TM9SF3: variants seen among roughly 807,000 people sequenced by gnomAD.
TM9SF3 encodes the protein SM-11044-binding protein.
Under a neutral mutation model 78.6 loss-of-function variants are expected in TM9SF3, and 14 were observed. The observed-to-expected ratio is 0.18, with a 90% CI of 0.12 to 0.28. The LOEUF is 0.28. Among genes scored for constraint, TM9SF3 ranks in the 10% least tolerant of loss-of-function variants. The probability of loss-of-function intolerance (pLI) is 1.00; values close to 1 mark genes in which losing one functional copy is unlikely to be tolerated. For missense variants in TM9SF3, 496 were observed against 721.9 expected, an observed-to-expected ratio of 0.69 and a Z score of 3.59; for synonymous variants, 231 against 241.7, an observed-to-expected ratio of 0.96 and a Z score of 0.41.
chr10:96,526,516 T>C (rs1192370632), intron 14 of TM9SF3, among the ~76,000 whole-genome samples: 1 of 152,156 alleles, frequency 6.6e-6, no homozygotes. Flanking sequence ...TTCTAGCTAT[T>C]TCACACATTC....
intron 3 of TM9SF3, among the ~76,000 whole-genome samples, chr10:96,563,565 A>T (rs929030708): frequency 1.3e-5 from 2 of 151,906 alleles, no homozygotes; most frequent in African/African-American, 4.8e-5. Flanking sequence ...TTTAGTAGAG[A>T]CAGGGTTTCG....
intron 2 of TM9SF3, among the ~76,000 whole-genome samples, chr10:96,567,801 G>C (rs532896806): frequency 6.6e-6 from 1 of 152,106 alleles, no homozygotes; most frequent in African/African-American, 2.4e-5. Flanking sequence ...GCACAGACTA[G>C]GCACTAAACA....
chr10:96,586,859 G>GCCGGCTCACCGACTCCTCCTC lies in TM9SF3; in HGVS notation c.-45_-25dup. On this transcript the variant is annotated 5_prime_UTR_variant, in exon 1 of 15. Transcript: ENST00000371142. ...ATCCTCCGCGCCCCTCCGGCCCGGA[G>GCCGGCTCACCGACTCCTCCTC]CCGGCTCACCGACTCCTCCTCCCGC... 8.3e-6 allele frequency: 10 copies of GCCGGCTCACCGACTCCTCCTC among 1,198,408 alleles called. No homozygotes were observed. The highest frequency in any genetic ancestry group is 1.0e-5 in the Non-Finnish European group (10 of 969,222). 74.2% of individuals were successfully genotyped at this position (1,198,408 alleles called of 1,614,324 possible).
rs529272968 is a variant in TM9SF3 at position 96,521,347 on chromosome 10, C to G, written c.*916G>C. On this transcript the variant is annotated 3_prime_UTR_variant, in exon 15 of 15. Transcript: ENST00000371142. ...TAATGTTATATACATTTATTACCCA[C>G]CCCCCTTGTTTTTAATAATTTCTTA... 6.5e-6 allele frequency: 1 copy of G among 153,820 alleles called. No homozygotes were observed. Among genetic ancestry groups the G allele is most frequent in the East Asian group, 1.9e-4 (1 of 5,256 alleles). The allele number at this position is 153,820 out of a possible 1,614,324, so 9.5% of individuals were successfully genotyped here. A position where few individuals can be genotyped will look rare whatever the true frequency, so the allele number is the denominator to read the frequency against.
chr10:96,546,625 A>C (rs1323471503), intron 8 of TM9SF3, among the ~76,000 whole-genome samples: 2 of 152,176 alleles, frequency 1.3e-5, no homozygotes, highest in African/African-American at 4.8e-5. Context: ...TCGAATTTAG[A>C]GACTGAACAT....
intron 8 of TM9SF3, 145 bp downstream of exon 8, chr10:96,547,750 G>T (rs935543406): frequency 6.6e-6 from 4 of 607,516 alleles, no homozygotes; most frequent in African/African-American, 3.8e-5. Flanking sequence ...AACCCAGGAG[G>T]TGGAGACTGC....
intron 9 of TM9SF3, among the ~76,000 whole-genome samples, chr10:96,542,553 T>C (rs908690367): frequency 6.6e-6 from 1 of 152,188 alleles, no homozygotes; most frequent in African/African-American, 2.4e-5. Context: ...TGAAATACCA[T>C]TTTTACCAAT....
intron 1 of TM9SF3, 130 bp from the exon 2 acceptor site, chr10:96,576,959 A>G: frequency 3.2e-6 from 2 of 631,890 alleles, no homozygotes; most frequent in East Asian, 6.7e-5. Context: ...AAATACTGGA[A>G]GCTTAATCTG....
chr10:96,522,232 T>C lies in TM9SF3; in HGVS notation c.*31A>G, dbSNP rs557314363. 75 of 1,586,344 alleles carry C rather than the reference T, an allele frequency of 4.7e-5. No individual in the cohort carries two copies. The South Asian group carries it at 7.1e-4, about 15-fold the overall frequency. On this transcript the variant is annotated 3_prime_UTR_variant, in exon 15 of 15. Coordinates refer to ENST00000371142, the MANE Select transcript of TM9SF3 (RefSeq NM_020123.4). ...AAGTTCCACCCCTATGAAAAAGAAA[T>C]TGATCCAAAGTTCCAGGTTTTCTTG...
intron 9 of TM9SF3, among the ~76,000 whole-genome samples, chr10:96,541,436 C>T (rs527833558): frequency 2.0e-5 from 3 of 151,994 alleles, no homozygotes; most frequent in East Asian, 1.9e-4. Context: ...AGTGCAATGG[C>T]GTGATCTCAG....
chr10:96,558,732 C>T (rs865943211), intron 5 of TM9SF3, among the ~76,000 whole-genome samples: 3 of 151,758 alleles, frequency 2.0e-5, no homozygotes, highest in African/African-American at 4.8e-5. Context: ...TGATAGGTTC[C>T]GGTAGAGTCT....
chr10:96,563,134 G>A (rs1002252494), intron 3 of TM9SF3, among the ~76,000 whole-genome samples: 1 of 152,124 alleles, frequency 6.6e-6, no homozygotes, highest in African/African-American at 2.4e-5. Flanking sequence ...GGAGTGTAGT[G>A]ACACAATCAT....
intron 4 of TM9SF3, chr10:96,560,312 C>T (rs1311357431): frequency 1.3e-6 from 1 of 748,574 alleles, no homozygotes; most frequent in Non-Finnish European, 2.4e-6. Flanking sequence ...CACCAATTAT[C>T]TTTAAGAACG....
intron 7 of TM9SF3, among the ~76,000 whole-genome samples, chr10:96,550,887 A>C (rs777746811): frequency 6.6e-6 from 1 of 152,204 alleles, no homozygotes; most frequent in Non-Finnish European, 1.5e-5. Context: ...TTAGTAACTG[A>C]AATTCTTGAA....
chr10:96,548,299 T>C lies in TM9SF3; in HGVS notation c.960-310A>G, dbSNP rs149050445. Among the ~76,000 whole-genome samples, 3 of 152,334 alleles carry C rather than the reference T, an allele frequency of 2.0e-5. No homozygotes were observed. The East Asian group carries it at 5.8e-4, about 29-fold the overall frequency. On this transcript the variant is annotated intron_variant, in intron 7 of 14. Coordinates refer to ENST00000371142, the MANE Select transcript of TM9SF3 (RefSeq NM_020123.4). ...AGAAGCTGACACTAAAACTGTTTTG[T>C]GACCCTGTAAACCAATCCCATAATA...
chr10:96,536,920 T>C (rs892230989), intron 9 of TM9SF3, among the ~76,000 whole-genome samples: 38 of 152,332 alleles, frequency 2.5e-4, no homozygotes, highest in Non-Finnish European at 3.2e-4. Context: ...CTCAGCCTCC[T>C]GAATAACTGG....
chr10:96,580,775 T>A (rs1848558254), intron 1 of TM9SF3, among the ~76,000 whole-genome samples: 1 of 152,224 alleles, frequency 6.6e-6, no homozygotes, highest in Non-Finnish European at 1.5e-5. Flanking sequence ...TACTATGAGC[T>A]AGGTATAGTT....
At chr10:96,572,377 A>C (rs1184407959) in intron 2 of TM9SF3, among the ~76,000 whole-genome samples, 2 of 151,856 alleles carry the variant, frequency 1.3e-5, no homozygotes, top group Non-Finnish European at 2.9e-5. Context: ...TGGATGCATC[A>C]AGTCTCTCTG....
At chr10:96,564,812 T>G (rs1848351102) in intron 3 of TM9SF3, among the ~76,000 whole-genome samples, 1 of 152,186 alleles carries the variant, frequency 6.6e-6, no homozygotes, top group Non-Finnish European at 1.5e-5. Context: ...GCATTAACTA[T>G]TCCATAGCTC....
Sources: allele counts gnomAD v4.1 joint callset (sites outside exome capture counted in the v4.1 genomes callset), GRCh38; gene constraint gnomAD v4.1.1; transcripts MANE v1.5; gene names NCBI Gene and HGNC (gene_info 2026-07-23, HGNC 2026-07-21).